The following CACNB4 variants were observed in gnomAD, a reference collection of about 807,000 sequenced individuals.
CACNB4 encodes the protein calcium voltage-gated channel auxiliary subunit beta 4.
A neutral mutation model predicts 71.2 loss-of-function variants in CACNB4; 32 were observed. That is an observed-to-expected ratio of 0.45 (90% confidence interval 0.34 to 0.60). CACNB4 has a LOEUF of 0.60. Ranked by LOEUF, CACNB4 falls within the 20% of genes least tolerant of loss-of-function variation. CACNB4 has a pLI of 0.01. For missense variants in CACNB4, 464 were observed against 647.9 expected, an observed-to-expected ratio of 0.72 and a Z score of 3.08; for synonymous variants, 231 against 236.9, an observed-to-expected ratio of 0.97 and a Z score of 0.23.
At chr2:152,085,158 AG>A (rs1458773235) in intron 2 of CACNB4, among the ~76,000 whole-genome samples, 1 of 151,988 alleles carries the variant, frequency 6.6e-6, no homozygotes, top group Non-Finnish European at 1.5e-5. Context: ...AAGGGAGTGG[AG>A]GGATGAAAGC....
At chr2:151,930,666 T>C (rs2099861411) in intron 2 of CACNB4, among the ~76,000 whole-genome samples, 1 of 152,126 alleles carries the variant, frequency 6.6e-6, no homozygotes, top group Admixed American at 6.6e-5. Flanking sequence ...GGGGTAGATC[T>C]AGAAGTACTG....
intron 2 of CACNB4, among the ~76,000 whole-genome samples, chr2:152,002,535 A>G (rs145416382): frequency 1.6e-4 from 25 of 152,370 alleles, no homozygotes; most frequent in African/African-American, 5.8e-4. Flanking sequence ...ATTCATTTTA[A>G]TAAGAATTCT....
Position 151,869,013 on chromosome 2 carries a change from C to T in CACNB4, c.758+164G>A, listed in dbSNP as rs763731055. ...TCTTCACTGGGGACTCAATGTTATA[C>T]TTCATATTTTCAGAGTTCTTTTATT... On this transcript the variant is annotated intron_variant, in intron 9 of 13. Coordinates refer to ENST00000539935, the MANE Select transcript of CACNB4 (RefSeq NM_000726.5). 145 of 554,734 alleles carry T rather than the reference C, an allele frequency of 2.6e-4. 1 individual carries two copies. The highest frequency in any genetic ancestry group is 1.9e-3 in the Middle Eastern group (4 of 2,094). The allele number at this position is 554,734 out of a possible 1,614,324, so 34.4% of individuals were successfully genotyped here.
chr2:151,997,032 T>A (rs1179040247), intron 2 of CACNB4, among the ~76,000 whole-genome samples: 1 of 152,164 alleles, frequency 6.6e-6, no homozygotes, highest in African/African-American at 2.4e-5. Flanking sequence ...TTCATTTCAC[T>A]ATGAAAATGT....
chr2:151,943,803 T>C (rs75426076), intron 2 of CACNB4, among the ~76,000 whole-genome samples: 2 of 152,322 alleles, frequency 1.3e-5, no homozygotes, highest in East Asian at 1.9e-4. Context: ...GATAGCCTTA[T>C]GCAAATATTC....
chr2:152,074,057 T>C lies in CACNB4; in HGVS notation c.147+24273A>G, dbSNP rs114108777. 8.7e-3 allele frequency among the ~76,000 whole-genome samples: 1,321 copies of C among 152,032 alleles called. 24 individuals carry two copies. The highest frequency in any genetic ancestry group is 0.03 in the African/African-American group (1,262 of 41,456). On this transcript the variant is annotated intron_variant, in intron 2 of 13. Coordinates refer to ENST00000539935, the MANE Select transcript of CACNB4 (RefSeq NM_000726.5). The stretch of plus-strand genomic sequence containing the variant: ...CATGTGAAGGGGACTGAGTTCAGAA[T>C]AAGGCAGGCAGGCAGGGGAGGAATG...
At chr2:151,841,458 T>TA (rs1474304234) in intron 13 of CACNB4, among the ~76,000 whole-genome samples, 2 of 152,018 alleles carry the variant, frequency 1.3e-5, no homozygotes, top group Non-Finnish European at 1.5e-5. Flanking sequence ...TATGTGCCTG[T>TA]AGTCCCAGCT....
intron 2 of CACNB4, among the ~76,000 whole-genome samples, chr2:152,002,294 T>C (rs1192351915): frequency 3.3e-4 from 50 of 152,212 alleles, no homozygotes; most frequent in Non-Finnish European, 5.9e-5. Flanking sequence ...TACACACACA[T>C]GTGATGGCAC....
intron 2 of CACNB4, among the ~76,000 whole-genome samples, chr2:152,005,977 T>C (rs1682701508): frequency 6.6e-6 from 1 of 152,266 alleles, no homozygotes; most frequent in Non-Finnish European, 1.5e-5. Flanking sequence ...CTATCATTAG[T>C]ATTCTACTCC....
chr2:152,008,372 C>T (rs929999544), intron 2 of CACNB4, among the ~76,000 whole-genome samples: 5 of 151,976 alleles, frequency 3.3e-5, no homozygotes, highest in East Asian at 1.9e-4. Flanking sequence ...GTGCAACCTC[C>T]GCCTCCCGGG....
Position 151,993,926 on chromosome 2 carries a change from C to T in CACNB4, c.147+104404G>A, listed in dbSNP as rs371243763. On this transcript the variant is annotated intron_variant, in intron 2 of 13. Transcript: ENST00000539935. ...GTGGCTCATGCCTGTAATCCCAGCA[C>T]TTTGGGAGGTCAAGGCAGGAGGATT... is the stretch of plus-strand genomic sequence containing the variant. Among the ~76,000 whole-genome samples, 62 of 151,394 alleles carry T rather than the reference C, an allele frequency of 4.1e-4. 1 individual carries two copies. The South Asian group carries it at 0.012, about 29-fold the overall frequency.
intron 2 of CACNB4, among the ~76,000 whole-genome samples, chr2:151,911,975 T>C (rs975846928): frequency 2.6e-5 from 4 of 152,234 alleles, no homozygotes; most frequent in Non-Finnish European, 5.9e-5. Flanking sequence ...TTTTTAGTAT[T>C]CTCTGATGGT....
intron 2 of CACNB4, among the ~76,000 whole-genome samples, chr2:151,944,336 G>A (rs1052053742): frequency 3.3e-5 from 5 of 152,102 alleles, no homozygotes; most frequent in Admixed American, 6.5e-5. Context: ...CACCACGTCC[G>A]GCCTGGGATT....
intron 2 of CACNB4, among the ~76,000 whole-genome samples, chr2:152,077,841 G>A (rs1304856403): frequency 6.6e-6 from 1 of 152,172 alleles, no homozygotes; most frequent in African/African-American, 2.4e-5. Context: ...CAGAGCCTTG[G>A]AGGCCACAAT....
intron 2 of CACNB4, among the ~76,000 whole-genome samples, chr2:152,095,217 T>A (rs1023084848): frequency 1.3e-5 from 2 of 152,248 alleles, no homozygotes; most frequent in Non-Finnish European, 2.9e-5. Context: ...AGGGGCTTCA[T>A]GAGCAGTCCT....
chr2:152,064,152 T>C (rs1686168619), intron 2 of CACNB4, among the ~76,000 whole-genome samples: 1 of 152,152 alleles, frequency 6.6e-6, no homozygotes, highest in Non-Finnish European at 1.5e-5. Flanking sequence ...TAACGGTGAG[T>C]ACATGGGTCC....
chr2:151,898,423 C>T (rs963373705), intron 2 of CACNB4, among the ~76,000 whole-genome samples: 1 of 152,146 alleles, frequency 6.6e-6, no homozygotes, highest in Non-Finnish European at 1.5e-5. Flanking sequence ...AAATTCAAGG[C>T]CGGCACTCTC....
chr2:152,032,899 A>G (rs1250042541), intron 2 of CACNB4, among the ~76,000 whole-genome samples: 1 of 152,204 alleles, frequency 6.6e-6, no homozygotes, highest in Non-Finnish European at 1.5e-5. Flanking sequence ...GGCTGCAGTG[A>G]GCTATGATTA....
chr2:152,059,517 A>G (rs1443069235), intron 2 of CACNB4, among the ~76,000 whole-genome samples: 1 of 152,238 alleles, frequency 6.6e-6, no homozygotes, highest in East Asian at 1.9e-4. Flanking sequence ...TGGGGCTTGT[A>G]GCCCCTGTTT....
Sources: gnomAD v4.1 joint callset for allele counts (sites outside exome capture counted in the v4.1 genomes callset) on GRCh38, gnomAD v4.1.1 for gene constraint, MANE v1.5 for transcripts, NCBI Gene and HGNC (gene_info 2026-07-23, HGNC 2026-07-21) for gene names.